SLCO3A1: variants seen among roughly 807,000 people sequenced by gnomAD.
The protein encoded by SLCO3A1 is solute carrier organic anion transporter family member 3A1, also known as PGE1 transporter.
SLCO3A1 carries 27 observed loss-of-function variants against 63.1 expected under a neutral mutation model. The observed-to-expected ratio is 0.43, with a 90% CI of 0.32 to 0.59. The LOEUF (loss-of-function observed/expected upper bound fraction) is 0.59, where lower values mean the gene tolerates loss of function less well. Ranked by LOEUF, SLCO3A1 falls within the 20% of genes least tolerant of loss-of-function variation. SLCO3A1 has a pLI of 0.09. For synonymous variants in SLCO3A1, 473 were observed against 409.9 expected, an observed-to-expected ratio of 1.15 and a Z score of -1.86; for missense variants, 773 against 945.8, an observed-to-expected ratio of 0.82 and a Z score of 2.40.
chr15:92,099,304 T>C (rs758995348), intron 3 of SLCO3A1, among the ~76,000 whole-genome samples: 37 of 152,220 alleles, frequency 2.4e-4, no homozygotes, highest in Non-Finnish European at 4.6e-4. Flanking sequence ...GCTGCGATTC[T>C]AGATGTTCAA....
At chr15:92,036,186 A>T (rs557743900) in intron 2 of SLCO3A1, among the ~76,000 whole-genome samples, 1 of 152,288 alleles carries the variant, frequency 6.6e-6, no homozygotes, top group Non-Finnish European at 1.5e-5. Flanking sequence ...GATTTCATGA[A>T]ACCCAAAGTG....
chr15:92,035,487 G>A (rs548752652), intron 2 of SLCO3A1, among the ~76,000 whole-genome samples: 22 of 151,844 alleles, frequency 1.4e-4, no homozygotes, highest in Admixed American at 1.1e-3. Flanking sequence ...GGCAGATAGA[G>A]TGATCTAAGA....
At chr15:92,019,692 C>T (rs1217968343) in intron 2 of SLCO3A1, among the ~76,000 whole-genome samples, 1 of 152,236 alleles carries the variant, frequency 6.6e-6, no homozygotes, top group East Asian at 1.9e-4. Flanking sequence ...TTTAGCTGAT[C>T]GCCCAGTTTC....
At chr15:92,038,509 C>T (rs1304172757) in intron 2 of SLCO3A1, among the ~76,000 whole-genome samples, 1 of 152,024 alleles carries the variant, frequency 6.6e-6, no homozygotes, top group East Asian at 1.9e-4. Context: ...ATAATTGCTA[C>T]AAAGAGAATA....
At chr15:92,166,504 C>G (rs1378975744), downstream of SLCO3A1, among the ~76,000 whole-genome samples, 1 of 152,156 alleles carries the variant, frequency 6.6e-6, no homozygotes, top group Non-Finnish European at 1.5e-5. Context: ...TCTGTACATT[C>G]CAGTCCCCCG....
At chr15:92,047,070 C>T (rs11632643) in intron 2 of SLCO3A1, among the ~76,000 whole-genome samples, 173 of 3,722 alleles carry the variant, frequency 0.046, 22 homozygotes, top group African/African-American at 0.16. Context: ...AATATATATA[C>T]AAATATATAT....
rs1198078194 is a variant in SLCO3A1, at chr15:91,859,018, G to C, written c.180+4930G>C. 6.6e-6 allele frequency among the ~76,000 whole-genome samples: 1 copy of C among 152,218 alleles called. No homozygotes were observed. The highest frequency in any genetic ancestry group is 2.4e-5 in the African/African-American group (1 of 41,452). On this transcript the variant is annotated intron_variant, in intron 1 of 9. Transcript: ENST00000318445. This position sits in a 1 kb window ranked among gnomAD's most constrained non-coding sequence, Gnocchi z 5.1. ...ACTACATGCATCATTTAATAAGCAT[G>C]TTTCTCTAAAGTGGAGTCAAAGTAC...
intron 2 of SLCO3A1, among the ~76,000 whole-genome samples, chr15:91,970,617 A>C (rs2151428396): frequency 6.6e-6 from 1 of 152,324 alleles, no homozygotes; most frequent in Non-Finnish European, 1.5e-5. Flanking sequence ...TAATGAAACA[A>C]CATGGTTCTT....
chr15:92,007,213 A>C (rs182932598), intron 2 of SLCO3A1, among the ~76,000 whole-genome samples: 64 of 152,334 alleles, frequency 4.2e-4, no homozygotes, highest in African/African-American at 1.4e-3. Flanking sequence ...TAAGGAAGAG[A>C]GATTGTTCTC....
intron 2 of SLCO3A1, among the ~76,000 whole-genome samples, chr15:92,060,477 T>G (rs1377683700): frequency 6.7e-6 from 1 of 150,308 alleles, no homozygotes; most frequent in African/African-American, 2.4e-5. Context: ...CGCTTGAACC[T>G]GGGAGGCAGA....
chr15:92,015,405 A>G (rs2046414402), intron 2 of SLCO3A1, among the ~76,000 whole-genome samples: 1 of 152,114 alleles, frequency 6.6e-6, no homozygotes, highest in African/African-American at 2.4e-5. Context: ...GGCAGCAGAA[A>G]GAGAGAAAAG....
At chr15:92,108,731 A>C (rs1174869807) in intron 4 of SLCO3A1, among the ~76,000 whole-genome samples, 1 of 152,108 alleles carries the variant, frequency 6.6e-6, no homozygotes, top group African/African-American at 2.4e-5. Context: ...GGAATGCATC[A>C]GGCAGTCTCT....
intron 2 of SLCO3A1, among the ~76,000 whole-genome samples, chr15:92,073,998 C>T (rs1044794718): frequency 6.6e-6 from 1 of 152,172 alleles, no homozygotes; most frequent in East Asian, 1.9e-4. Flanking sequence ...GTGAAACCCC[C>T]GTCTCTACTA....
chr15:92,032,703 T>A (rs2046668776), intron 2 of SLCO3A1, among the ~76,000 whole-genome samples: 1 of 152,060 alleles, frequency 6.6e-6, no homozygotes, highest in African/African-American at 2.4e-5. Context: ...GAGGCCCCCA[T>A]CGAAGGCGGT....
chr15:92,132,532 A>G lies in SLCO3A1; in HGVS notation c.1512+4043A>G, dbSNP rs1170633975. Among the ~76,000 whole-genome samples, 7 of 144,526 alleles carry G rather than the reference A, an allele frequency of 4.8e-5. 1 individual carries two copies. The highest frequency in any genetic ancestry group is 1.1e-4 in the Non-Finnish European group (7 of 64,776). 94.8% of individuals were successfully genotyped at this position (144,526 alleles called of 152,430 possible). On this transcript the variant is annotated intron_variant, in intron 7 of 9. Transcript: ENST00000318445. The stretch of plus-strand genomic sequence containing the variant: ...TTGTTTCTGTACCTTTCACTTTCAG[A>G]AGTAATTATTCCAACAGAAGCATGT...
intron 2 of SLCO3A1, among the ~76,000 whole-genome samples, chr15:92,047,006 T>A (rs1430973756): frequency 3.5e-5 from 3 of 86,912 alleles, no homozygotes; most frequent in African/African-American, 4.5e-5. Context: ...TATATATATA[T>A]AAATATATAT....
chr15:92,037,194 A>G lies in SLCO3A1; in HGVS notation c.647-57687A>G, dbSNP rs7169219. Among the ~76,000 whole-genome samples the G allele has an allele frequency of 2.6e-3, 397 of 152,250 alleles. 5 individuals carry two copies. Among genetic ancestry groups the G allele is most frequent in the African/African-American group, 8.8e-3 (364 of 41,542 alleles). Reference sequence around the variant, plus strand: ...ACAACCATCATCTTTAAGATCCACAATCATTTTCACCTACATAGTATTTGG... The same window carrying G: ...ACAACCATCATCTTTAAGATCCACAGTCATTTTCACCTACATAGTATTTGG... On this transcript the variant is annotated intron_variant, in intron 2 of 9. Coordinates refer to ENST00000318445, the MANE Select transcript of SLCO3A1 (RefSeq NM_013272.4).
At chr15:92,025,730 A>G (rs2046565922) in intron 2 of SLCO3A1, among the ~76,000 whole-genome samples, 1 of 151,950 alleles carries the variant, frequency 6.6e-6, no homozygotes, top group African/African-American at 2.4e-5. Flanking sequence ...ATGATCTGGG[A>G]CTCTCTTCTC....
chr15:91,921,576 C>T (rs147337877), intron 2 of SLCO3A1, among the ~76,000 whole-genome samples: 2 of 152,052 alleles, frequency 1.3e-5, no homozygotes, highest in African/African-American at 4.8e-5. Context: ...TTAAAAATTA[C>T]AGAATCACAA....
Sources: gnomAD v4.1 joint callset for allele counts (sites outside exome capture counted in the v4.1 genomes callset) on GRCh38, gnomAD v4.1.1 for gene constraint, Gnocchi (gnomAD v3.1) non-coding constraint, MANE v1.5 for transcripts, NCBI Gene and HGNC (gene_info 2026-07-23, HGNC 2026-07-21) for gene names.